HS3ST4: variants seen among roughly 807,000 people sequenced by gnomAD.
HS3ST4 encodes heparan sulfate-glucosamine 3-sulfotransferase 4.
In HS3ST4, 17 loss-of-function variants were observed where a neutral mutation model predicts 29.2. The ratio of observed to expected loss-of-function variants is 0.58; its 90% confidence interval spans 0.40 to 0.87. HS3ST4 has a LOEUF of 0.87. HS3ST4 is among the 40% of genes least tolerant of loss of function. HS3ST4 has a pLI of 0.00. For missense variants in HS3ST4, 627 were observed against 634.5 expected, an observed-to-expected ratio of 0.99 and a Z score of 0.13; for synonymous variants, 314 against 285.7, an observed-to-expected ratio of 1.10 and a Z score of -1.00.
At chr16:25,845,047 G>T (rs558317987) in intron 1 of HS3ST4, among the ~76,000 whole-genome samples, 106 of 152,180 alleles carry the variant, frequency 7.0e-4, no homozygotes, top group Non-Finnish European at 1.2e-3. Flanking sequence ...AGGCCTGTTG[G>T]GGGGTGGGGT....
At chr16:26,000,116 C>G (rs916002590) in intron 1 of HS3ST4, among the ~76,000 whole-genome samples, 4 of 151,624 alleles carry the variant, frequency 2.6e-5, no homozygotes, top group African/African-American at 7.3e-5. Flanking sequence ...AAGTTAAGCT[C>G]TTGCAATTTG....
chr16:26,033,953 C>T (rs2141754937), intron 1 of HS3ST4, among the ~76,000 whole-genome samples: 1 of 152,304 alleles, frequency 6.6e-6, no homozygotes, highest in African/African-American at 2.4e-5. Context: ...GGTAAGAGAA[C>T]ACTTTGCATA....
chr16:25,710,332 G>T (rs113528870), intron 1 of HS3ST4, among the ~76,000 whole-genome samples: 6,240 of 152,256 alleles, frequency 0.041, 164 homozygotes, highest in Middle Eastern at 0.082. Context: ...GATCTTGAAG[G>T]TTCTTCAGCA....
intron 1 of HS3ST4, among the ~76,000 whole-genome samples, chr16:25,996,101 G>T (rs1281245041): frequency 6.6e-6 from 1 of 152,082 alleles, no homozygotes; most frequent in Admixed American, 6.6e-5. Context: ...CTTAGAACTA[G>T]CAAAGAAACG....
chr16:25,867,237 GA>G (rs1302003790), intron 1 of HS3ST4, among the ~76,000 whole-genome samples: 3 of 152,106 alleles, frequency 2.0e-5, no homozygotes, highest in African/African-American at 7.2e-5. Context: ...CTCTCTTTAG[GA>G]AATTCCCCAA....
chr16:26,073,103 C>T (rs922386905), intron 1 of HS3ST4, among the ~76,000 whole-genome samples: 1 of 152,174 alleles, frequency 6.6e-6, no homozygotes, highest in Non-Finnish European at 1.5e-5. Flanking sequence ...ACCATTCTTA[C>T]TATTTTTCAG....
rs539641789 is a variant in HS3ST4 at position 25,713,718 on chromosome 16, A to G, written c.734+20567A>G. 9.2e-5 allele frequency among the ~76,000 whole-genome samples: 14 copies of G among 152,240 alleles called. No homozygotes were observed. The South Asian group carries it at 1.7e-3, about 18-fold the overall frequency. On this transcript the variant is annotated intron_variant, in intron 1 of 1. Coordinates refer to ENST00000331351, the MANE Select transcript of HS3ST4 (RefSeq NM_006040.3). The stretch of plus-strand genomic sequence containing the variant: ...AGCACTGAACAAACACTCACCAAAG[A>G]TCACAGGGTCATTCTCAGGGTATGC...
At chr16:25,747,255 C>G (rs1195407875) in intron 1 of HS3ST4, among the ~76,000 whole-genome samples, 1 of 152,198 alleles carries the variant, frequency 6.6e-6, no homozygotes, top group African/African-American at 2.4e-5. Context: ...ACTCCTCTTT[C>G]CATAGATTTC....
At chr16:25,942,200 C>T (rs1235180335) in intron 1 of HS3ST4, among the ~76,000 whole-genome samples, 1 of 152,066 alleles carries the variant, frequency 6.6e-6, no homozygotes, top group Non-Finnish European at 1.5e-5. Flanking sequence ...CCTGGTGCCC[C>T]TAACCTGGAG....
chr16:26,014,113 T>C (rs1317819337), intron 1 of HS3ST4, among the ~76,000 whole-genome samples: 1 of 152,128 alleles, frequency 6.6e-6, no homozygotes, highest in Non-Finnish European at 1.5e-5. Context: ...CTATTTTGCT[T>C]TATTTTCCTT....
rs116089891 is a variant in HS3ST4, at chr16:25,719,330, C to T, written c.734+26179C>T. Among the ~76,000 whole-genome samples the T allele has an allele frequency of 4.2e-3, 635 of 152,306 alleles. 5 individuals are homozygous for T. The highest frequency in any genetic ancestry group is 0.015 in the African/African-American group (607 of 41,562). On this transcript the variant is annotated intron_variant, in intron 1 of 1. Transcript: ENST00000331351. ...GCCAGGGAGATGGTAAATAATAAGG[C>T]ACTTTTATCCTTGTGAAACTTGATC... is the stretch of plus-strand genomic sequence containing the variant.
intron 1 of HS3ST4, among the ~76,000 whole-genome samples, chr16:25,814,054 C>G (rs1967068166): frequency 6.6e-6 from 1 of 152,094 alleles, no homozygotes; most frequent in South Asian, 2.1e-4. Flanking sequence ...TGAGTAAAGT[C>G]AGGAAGTGGT....
In HS3ST4 at chr16:25,711,155, A is replaced by G. The variant is rs141609294; in HGVS notation, c.734+18004A>G. ...TTGAGGCTTCTAGGGAAGTAAACCC[A>G]TCTTCTAATTCCATGAAAGACTTTG... On this transcript the variant is annotated intron_variant, in intron 1 of 1. Coordinates refer to ENST00000331351, the MANE Select transcript of HS3ST4 (RefSeq NM_006040.3). Among the ~76,000 whole-genome samples the G allele has an allele frequency of 5.9e-5, 9 of 152,072 alleles. No homozygotes were observed. In the East Asian group the frequency reaches 1.7e-3, roughly 30 times the overall value.
At chr16:25,752,798 C>T (rs1966730613) in intron 1 of HS3ST4, among the ~76,000 whole-genome samples, 6 of 152,222 alleles carry the variant, frequency 3.9e-5, no homozygotes, top group Admixed American at 3.9e-4. Context: ...ACTTTAATAT[C>T]TGCACCAGCT....
intron 1 of HS3ST4, among the ~76,000 whole-genome samples, chr16:26,105,098 G>A (rs984808242): frequency 3.3e-5 from 5 of 152,112 alleles, no homozygotes; most frequent in Non-Finnish European, 7.3e-5. Context: ...TCCCACCCAG[G>A]TGCCCATCAG....
At chr16:25,915,382 TA>T (rs1234918792) in intron 1 of HS3ST4, among the ~76,000 whole-genome samples, 1 of 152,208 alleles carries the variant, frequency 6.6e-6, no homozygotes, top group Non-Finnish European at 1.5e-5. Context: ...GTTTTAAAAC[TA>T]ATAAAATTAT....
At chr16:26,098,133 G>C (rs546004145) in intron 1 of HS3ST4, among the ~76,000 whole-genome samples, 14 of 152,334 alleles carry the variant, frequency 9.2e-5, no homozygotes, top group Non-Finnish European at 1.9e-4. Context: ...TACACTGTTG[G>C]TGGGAGTGTA....
At chr16:25,756,729 G>A (rs115510381) in intron 1 of HS3ST4, among the ~76,000 whole-genome samples, 2 of 152,228 alleles carry the variant, frequency 1.3e-5, no homozygotes, top group African/African-American at 4.8e-5. Flanking sequence ...ACTGGTGCTG[G>A]CACAGAGAGA....
At chr16:25,960,512 C>G (rs1968784641) in intron 1 of HS3ST4, among the ~76,000 whole-genome samples, 1 of 152,146 alleles carries the variant, frequency 6.6e-6, no homozygotes, top group African/African-American at 2.4e-5. Context: ...AGGAAGGAAC[C>G]TCATTCTCTG....
Sources: gnomAD v4.1 joint callset for allele counts (sites outside exome capture counted in the v4.1 genomes callset) on GRCh38, gnomAD v4.1.1 for gene constraint, MANE v1.5 for transcripts, NCBI Gene and HGNC (gene_info 2026-07-23, HGNC 2026-07-21) for gene names.